The following MAD1L1 variants were observed in gnomAD, a reference collection of about 807,000 sequenced individuals.
MAD1L1 encodes the protein mitotic arrest deficient 1 like 1, also known as mitotic spindle assembly checkpoint protein MAD1.
Under a neutral mutation model 96.9 loss-of-function variants are expected in MAD1L1, and 95 were observed. The ratio of observed to expected loss-of-function variants is 0.98; its 90% CI spans 0.83 to 1.16. MAD1L1 has a LOEUF of 1.16. Ranked by LOEUF, MAD1L1 falls within the 50% of genes most tolerant of loss-of-function variation. The pLI, the probability that MAD1L1 is intolerant of heterozygous loss-of-function variation, is 0.00. For synonymous variants in MAD1L1, 473 were observed against 396.6 expected (o/e 1.19, Z -2.29); for missense variants, 1,007 against 954.4 (o/e 1.06, Z -0.73).
At chr7:1,874,085 C>T (rs373098682) in intron 18 of MAD1L1, among the ~76,000 whole-genome samples, 4 of 152,298 alleles carry the variant, frequency 2.6e-5, no homozygotes, top group South Asian at 4.1e-4. Context: ...GCCTGGCCAC[C>T]GGGGATCCCG....
At chr7:1,885,040 G>A (rs1167172164) in intron 18 of MAD1L1, among the ~76,000 whole-genome samples, 2 of 152,198 alleles carry the variant, frequency 1.3e-5, no homozygotes, top group Non-Finnish European at 2.9e-5. Context: ...TGTGAATGGT[G>A]AGCACACTTC....
chr7:1,994,714 G>A (rs872465), intron 14 of MAD1L1, among the ~76,000 whole-genome samples: 58,252 of 152,040 alleles, frequency 0.38, 11,560 homozygotes, highest in African/African-American at 0.48. Context: ...CCCTCCCACC[G>A]TGTGAGGACA....
intron 12 of MAD1L1, among the ~76,000 whole-genome samples, chr7:2,038,005 G>A (rs999003572): frequency 6.6e-6 from 1 of 152,216 alleles, no homozygotes; most frequent in African/African-American, 2.4e-5. Flanking sequence ...AGTTGTGAAT[G>A]CAAAGGGAAA....
At chr7:2,134,510 G>T (rs6973528) in intron 11 of MAD1L1, among the ~76,000 whole-genome samples, 202 of 152,324 alleles carry the variant, frequency 1.3e-3, no homozygotes, top group African/African-American at 4.6e-3. Flanking sequence ...GTACGACAGC[G>T]AATAGGAGTG....
At chr7:2,165,749 G>C (rs560788585) in intron 10 of MAD1L1, among the ~76,000 whole-genome samples, 1 of 152,298 alleles carries the variant, frequency 6.6e-6, no homozygotes, top group South Asian at 2.1e-4. Flanking sequence ...GAGGTACAGG[G>C]AAAGACTGAC....
intron 11 of MAD1L1, among the ~76,000 whole-genome samples, chr7:2,147,159 G>A (rs192707887): frequency 3.8e-4 from 58 of 152,300 alleles, no homozygotes; most frequent in African/African-American, 1.3e-3. Context: ...CAACCCAGTC[G>A]TTACTGCCAG....
At chr7:2,026,593 G>T (rs915712745) in intron 12 of MAD1L1, among the ~76,000 whole-genome samples, 1 of 152,190 alleles carries the variant, frequency 6.6e-6, no homozygotes, top group African/African-American at 2.4e-5. Context: ...TCATTCAGAG[G>T]ATAGTCTCTG....
intron 17 of MAD1L1, among the ~76,000 whole-genome samples, chr7:1,916,975 G>A (rs1004534161): frequency 5.9e-5 from 9 of 152,170 alleles, no homozygotes; most frequent in East Asian, 3.9e-4. Context: ...CAGAGGACAC[G>A]GCTTCTCCAG....
chr7:1,853,266 T>C (rs973342112), intron 18 of MAD1L1, among the ~76,000 whole-genome samples: 12 of 152,204 alleles, frequency 7.9e-5, no homozygotes, highest in African/African-American at 2.7e-4. Context: ...CTGCCCTCTG[T>C]GTCGGGACAG....
chr7:2,031,337 G>A (rs1465689236), intron 12 of MAD1L1, among the ~76,000 whole-genome samples: 1 of 152,158 alleles, frequency 6.6e-6, no homozygotes, highest in Non-Finnish European at 1.5e-5. Flanking sequence ...CACCACCCAC[G>A]TGTAGCTGTG....
At chr7:1,847,232 G>A (rs1194619331) in intron 18 of MAD1L1, 2 of 470,564 alleles carry the variant, frequency 4.3e-6, no homozygotes, top group Non-Finnish European at 8.8e-6. Flanking sequence ...ACTGACGCTT[G>A]TCCTTTTCTG....
At chr7:2,060,259 CGA>C (rs1158743877) in intron 12 of MAD1L1, among the ~76,000 whole-genome samples, 2 of 141,228 alleles carry the variant, frequency 1.4e-5, no homozygotes, top group Non-Finnish European at 3.1e-5. Flanking sequence ...ACGCCGATGC[CGA>C]GATACGCCGA....
At chr7:2,020,126 G>A (rs55988458) in intron 12 of MAD1L1, among the ~76,000 whole-genome samples, 24,765 of 152,250 alleles carry the variant, frequency 0.16, 2,575 homozygotes, top group Middle Eastern at 0.29. Flanking sequence ...GCAGAGCCCC[G>A]GCTGGTGCTG....
chr7:2,068,201 G>A (rs1034365077), intron 12 of MAD1L1, among the ~76,000 whole-genome samples: 2 of 152,212 alleles, frequency 1.3e-5, no homozygotes, highest in South Asian at 2.1e-4. Flanking sequence ...TGAGCTATGC[G>A]CAGGGGCCAG....
At chr7:2,179,389 A>G (rs140648448) in intron 10 of MAD1L1, among the ~76,000 whole-genome samples, 7,018 of 152,024 alleles carry the variant, frequency 0.046, 576 homozygotes, top group African/African-American at 0.16. Context: ...TTAGCCGGGC[A>G]TGGTGGCGCA....
At chr7:2,225,641 G>T in intron 3 of MAD1L1, 91 bp from the exon 4 acceptor site, 1 of 1,399,586 alleles carries the variant, frequency 7.1e-7, no homozygotes, top group Non-Finnish European at 9.8e-7. Context: ...ACTCCCTGAG[G>T]ACCCATTCCC....
At chr7:2,090,931 T>C (rs957073605) in intron 11 of MAD1L1, among the ~76,000 whole-genome samples, 1 of 152,202 alleles carries the variant, frequency 6.6e-6, no homozygotes, top group African/African-American at 2.4e-5. Context: ...ACTACATCCA[T>C]TTTATCTGCA....
chr7:2,208,754 C>G (rs1792727837), intron 10 of MAD1L1, among the ~76,000 whole-genome samples: 1 of 152,252 alleles, frequency 6.6e-6, no homozygotes, highest in East Asian at 1.9e-4. Context: ...CCACTGGCCT[C>G]TCTGTATTAC....
At chr7:2,080,021 C>G (rs1414406646) in intron 11 of MAD1L1, 1 of 305,654 alleles carries the variant, frequency 3.3e-6, no homozygotes, top group Non-Finnish European at 6.3e-6. Flanking sequence ...TCCGTCAACC[C>G]TGTCAGCGCT....
Sources: allele counts gnomAD v4.1 joint callset (sites outside exome capture counted in the v4.1 genomes callset), GRCh38; gene constraint gnomAD v4.1.1; transcripts MANE v1.5; gene names NCBI Gene and HGNC (gene_info 2026-07-23, HGNC 2026-07-21).